GALNT17: variants seen among roughly 807,000 people sequenced by gnomAD.
GALNT17 encodes UDP-GalNAc:polypeptide N-acetylgalactosaminyltransferase-like 3.
Under a neutral mutation model 63.7 loss-of-function variants are expected in GALNT17, and 29 were observed. The ratio of observed to expected loss-of-function variants is 0.46; its 90% CI spans 0.34 to 0.62. The LOEUF is 0.62. Ranked by LOEUF, GALNT17 falls within the 20% of genes least tolerant of loss-of-function variation. The pLI is 0.01. For synonymous variants in GALNT17, 305 were observed against 318.3 expected (o/e 0.96, Z 0.45); for missense variants, 603 against 799.6 (o/e 0.75, Z 2.97).
At chr7:71,555,468 G>C (rs1432930329) in intron 5 of GALNT17, among the ~76,000 whole-genome samples, 1 of 141,204 alleles carries the variant, frequency 7.1e-6, no homozygotes, top group Non-Finnish European at 1.5e-5. Flanking sequence ...CATTACCATG[G>C]GGAGAACGCC....
Position 71,326,275 on chromosome 7 carries a change from T to C in GALNT17, c.239-9275T>C, listed in dbSNP as rs555306126. On this transcript the variant is annotated intron_variant, in intron 1 of 10. Coordinates refer to ENST00000333538, the MANE Select transcript of GALNT17 (RefSeq NM_022479.3). ...GAGTTTGGGACCTGCTTGGGCAACA[T>C]AGGGAGACCTCATCTCTACAAAAGT... Among the ~76,000 whole-genome samples the C allele has an allele frequency of 2.0e-3, 298 of 152,244 alleles. 1 individual carries two copies. The highest frequency in any genetic ancestry group is 3.5e-3 in the Non-Finnish European group (240 of 68,010).
At chr7:71,622,791 T>C (rs1790315836) in intron 6 of GALNT17, among the ~76,000 whole-genome samples, 1 of 152,098 alleles carries the variant, frequency 6.6e-6, no homozygotes, top group Admixed American at 6.6e-5. Context: ...CCCAGGCGAG[T>C]TCTAAGGCAC....
intron 5 of GALNT17, among the ~76,000 whole-genome samples, chr7:71,504,501 T>C (rs1788233822): frequency 6.6e-6 from 1 of 152,166 alleles, no homozygotes; most frequent in Non-Finnish European, 1.5e-5. Context: ...TATTTATCAC[T>C]CTCTTTTGGT....
intron 1 of GALNT17, among the ~76,000 whole-genome samples, chr7:71,141,379 AAAAAG>A (rs567521695): frequency 1.2e-3 from 186 of 152,158 alleles, no homozygotes; most frequent in South Asian, 5.8e-3. Flanking sequence ...TCTCAAAAAA[AAAAAG>A]AAAAGAAAAA....
chr7:71,237,293 A>G (rs1469223879), intron 1 of GALNT17, among the ~76,000 whole-genome samples: 1 of 152,100 alleles, frequency 6.6e-6, no homozygotes, highest in Non-Finnish European at 1.5e-5. Flanking sequence ...TATATGCACC[A>G]TTTCACTTGA....
At position 71,314,861 on chromosome 7, in the gene GALNT17, G is replaced by A. The variant is rs116056991; in HGVS notation, c.239-20689G>A. On this transcript the variant is annotated intron_variant, in intron 1 of 10. Transcript: ENST00000333538. ...TTAAGGACTGCACTGAGCCATGATT[G>A]CACAGACACTGCACTCCAGCATTCA... is the stretch of plus-strand genomic sequence containing the variant. Among the ~76,000 whole-genome samples, 683 of 152,246 alleles carry A rather than the reference G, an allele frequency of 4.5e-3. 3 individuals are homozygous for A. The highest frequency in any genetic ancestry group is 0.016 in the African/African-American group (657 of 41,546).
intron 1 of GALNT17, among the ~76,000 whole-genome samples, chr7:71,160,574 T>C (rs961689741): frequency 3.3e-5 from 5 of 152,160 alleles, no homozygotes; most frequent in African/African-American, 9.7e-5. Context: ...TTGTCCTGCC[T>C]CAGCCTCCCA....
intron 6 of GALNT17, among the ~76,000 whole-genome samples, chr7:71,606,041 G>A (rs1181599301): frequency 1.3e-5 from 2 of 152,082 alleles, no homozygotes; most frequent in African/African-American, 4.8e-5. Context: ...CTTGGCTCAA[G>A]GGATCCTCCC....
chr7:71,572,500 T>A, intron 6 of GALNT17, among the ~76,000 whole-genome samples: 1 of 57,936 alleles, frequency 1.7e-5, no homozygotes. Flanking sequence ...AGACCCTGTC[T>A]CATTAAAAAA....
intron 5 of GALNT17, among the ~76,000 whole-genome samples, chr7:71,527,367 A>G (rs1054337900): frequency 2.6e-5 from 4 of 152,114 alleles, no homozygotes; most frequent in African/African-American, 9.7e-5. Context: ...AAGAACTGCA[A>G]TTTTCCCCCG....
At chr7:71,406,844 CT>C (rs1261196116) in intron 3 of GALNT17, among the ~76,000 whole-genome samples, 1 of 151,706 alleles carries the variant, frequency 6.6e-6, no homozygotes, top group Non-Finnish European at 1.5e-5. Context: ...CCCACTTCAG[CT>C]TCCCAAGTAG....
intron 1 of GALNT17, among the ~76,000 whole-genome samples, chr7:71,308,063 G>A (rs577138151): frequency 5.3e-5 from 8 of 151,972 alleles, no homozygotes; most frequent in African/African-American, 9.7e-5. Flanking sequence ...TGAAGGCTCC[G>A]GGTCAGAGGG....
chr7:71,218,097 C>A (rs1170611581), intron 1 of GALNT17, among the ~76,000 whole-genome samples: 1 of 151,964 alleles, frequency 6.6e-6, no homozygotes, highest in Middle Eastern at 3.2e-3. Context: ...AGTTTTATGG[C>A]TTTTAAAAAT....
chr7:71,215,841 C>T (rs1289619407), intron 1 of GALNT17, among the ~76,000 whole-genome samples: 2 of 152,070 alleles, frequency 1.3e-5, no homozygotes, highest in Non-Finnish European at 2.9e-5. Flanking sequence ...TTATTGAAGA[C>T]CCCCAAAATG....
intron 5 of GALNT17, among the ~76,000 whole-genome samples, chr7:71,498,709 G>C (rs1788133377): frequency 6.6e-6 from 1 of 152,148 alleles, no homozygotes; most frequent in Non-Finnish European, 1.5e-5. Flanking sequence ...CTGGGGACTG[G>C]GGAGTAGAGG....
In GALNT17 at chr7:71,351,025, C is replaced by T. The variant is rs145361985; in HGVS notation, c.422+15292C>T. On this transcript the variant is annotated intron_variant, in intron 2 of 10. Transcript: ENST00000333538. ...GCATAGTGTTACACACCTGTAGTTCCAGCTACTCAGGAAGATGAGGCACAA... is the reference window on the plus strand; with the variant it reads ...GCATAGTGTTACACACCTGTAGTTCTAGCTACTCAGGAAGATGAGGCACAA... Among the ~76,000 whole-genome samples, 1,174 of 152,274 alleles carry T rather than the reference C, an allele frequency of 7.7e-3. 4 individuals carry two copies. The highest frequency in any genetic ancestry group is 0.012 in the Non-Finnish European group (814 of 68,028).
intron 2 of GALNT17, among the ~76,000 whole-genome samples, chr7:71,338,833 T>C (rs1423148640): frequency 6.6e-6 from 1 of 152,182 alleles, no homozygotes; most frequent in Non-Finnish European, 1.5e-5. Context: ...CTGAGAAAAA[T>C]AGATTCAAAA....
chr7:71,284,228 C>A (rs892092625), intron 1 of GALNT17: 5 of 161,880 alleles, frequency 3.1e-5, no homozygotes, highest in Admixed American at 1.9e-4. Context: ...CACGAACCCA[C>A]CGGAAGGAAC....
chr7:71,625,669 TCTC>T (rs796607438), intron 6 of GALNT17, among the ~76,000 whole-genome samples: 48 of 152,226 alleles, frequency 3.2e-4, no homozygotes, highest in African/African-American at 1.1e-3. Flanking sequence ...AGCAGGTACT[TCTC>T]CTTTCGGGAC....
Sources: allele counts gnomAD v4.1 joint callset (sites outside exome capture counted in the v4.1 genomes callset), GRCh38; gene constraint gnomAD v4.1.1; transcripts MANE v1.5; gene names NCBI Gene and HGNC (gene_info 2026-07-23, HGNC 2026-07-21).